ENPEP: variants seen among roughly 807,000 people sequenced by gnomAD.
The protein encoded by ENPEP is AP-A.
Under a neutral mutation model 114.5 loss-of-function variants are expected in ENPEP, and 103 were observed. That is an observed-to-expected ratio of 0.90 (90% CI 0.77 to 1.06). The LOEUF is 1.06. Among genes scored for constraint, ENPEP ranks in the 50% least tolerant of loss-of-function variants. The pLI is 0.00. For synonymous variants in ENPEP, 420 were observed against 422.0 expected (o/e 1.00, Z 0.06); for missense variants, 1,196 against 1,161.3 (o/e 1.03, Z -0.43).
At chr4:110,559,833 TGTTACGTAG>T in intron 19 of ENPEP, 108 bp downstream of exon 19, 1 of 858,758 alleles carries the variant, frequency 1.2e-6, no homozygotes, top group South Asian at 1.5e-5. Flanking sequence ...TGTGCAGGTT[TGTTACGTAG>T]GTATACACGT....
At chr4:110,515,570 A>G in intron 8 of ENPEP, 128 bp downstream of exon 8, 1 of 749,270 alleles carries the variant, frequency 1.3e-6, no homozygotes, top group Non-Finnish European at 2.2e-6. Context: ...TAGATAATAT[A>G]GCAAAAGATA....
At position 110,564,086 on chromosome 4, in the gene ENPEP, A is replaced by G. The variant is rs1727757720; in HGVS notation, c.*2528A>G. 6.6e-6 allele frequency: 1 copy of G among 152,116 alleles called. No homozygotes were observed. Among genetic ancestry groups the G allele is most frequent in the Non-Finnish European group, 1.5e-5 (1 of 68,004 alleles). 9.4% of individuals were successfully genotyped at this position (152,116 alleles called of 1,614,324 possible). ...TCTAAAACACGGTTAGGTAATCATCATCATCAGACTTTCCTTTTTTTTTCA... is the reference window on the plus strand; with the variant it reads ...TCTAAAACACGGTTAGGTAATCATCGTCATCAGACTTTCCTTTTTTTTTCA... On this transcript the variant is annotated 3_prime_UTR_variant, in exon 20 of 20. Transcript: ENST00000265162.
intron 4 of ENPEP, 105 bp from the exon 5 acceptor site, chr4:110,509,548 T>C (rs770193615): frequency 4.3e-5 from 60 of 1,408,734 alleles, no homozygotes; most frequent in Non-Finnish European, 5.4e-5. Flanking sequence ...AGAAATTATT[T>C]TTAGGCTTTT....
At chr4:110,524,954 G>A (rs192890661) in intron 10 of ENPEP, among the ~76,000 whole-genome samples, 4 of 152,264 alleles carry the variant, frequency 2.6e-5, no homozygotes, top group Admixed American at 2.6e-4. Flanking sequence ...TAGAGAAAAG[G>A]TTGTTCAGGC....
At chr4:110,478,473 A>G (rs1724195474) in intron 1 of ENPEP, among the ~76,000 whole-genome samples, 1 of 152,216 alleles carries the variant, frequency 6.6e-6, no homozygotes, top group Admixed American at 6.5e-5. Context: ...AATCCCTGCT[A>G]GCATATTAAT....
chr4:110,510,320 T>A lies in ENPEP; in HGVS notation c.1270T>A (p.Phe424Ile), dbSNP rs1725527624. 1.2e-6 allele frequency: 2 copies of A among 1,613,950 alleles called. No individual in the cohort carries two copies. Among genetic ancestry groups the A allele is most frequent in the African/African-American group, 2.7e-5 (2 of 74,864 alleles). Residue 424 changes from phenylalanine (F) to isoleucine (I), a missense_variant, in exon 6 of 20, where the codon TTT becomes ATT. Transcript: ENST00000265162. ...TGAAGGATTTGCTTCTTTCTTTGAG[T>A]TTCTGGGAGTAAACCATGCAGAAAC... ...LNEGFASFFE[F>I]LGVNHAETDW...
At chr4:110,491,282 C>A in intron 3 of ENPEP, 118 bp downstream of exon 3, 1 of 983,652 alleles carries the variant, frequency 1.0e-6, no homozygotes, top group Non-Finnish European at 1.4e-6. Flanking sequence ...GCCCTTTAGT[C>A]CCCAGGGTCT....
intron 11 of ENPEP, chr4:110,533,270 A>G: frequency 3.8e-6 from 1 of 261,238 alleles, no homozygotes; most frequent in South Asian, 4.1e-5. Flanking sequence ...GCATTTCAAG[A>G]GTTCACAATA....
intron 18 of ENPEP, among the ~76,000 whole-genome samples, chr4:110,558,762 C>G (rs1727579669): frequency 6.6e-6 from 1 of 151,886 alleles, no homozygotes; most frequent in Non-Finnish European, 1.5e-5. Flanking sequence ...CATTTGTGGT[C>G]TATGAGGAAA....
rs377047364 is a variant in ENPEP at position 110,548,332 on chromosome 4, G to A, written c.2151+6G>A. 1.1e-4 allele frequency: 171 copies of A among 1,554,690 alleles called. No individual in the cohort carries two copies. The African/African-American group carries it at 1.6e-3, about 15-fold the overall frequency. On this transcript the variant is annotated splice_donor_region_variant and intron_variant, in intron 14 of 19. Coordinates refer to ENST00000265162, the MANE Select transcript of ENPEP (RefSeq NM_001977.4). Reference sequence around the variant, plus strand: ...AGCTATATCCTATGATTGAGGTGACGTTAATGCTATGGTATCTTATGAAAG... The same window carrying A: ...AGCTATATCCTATGATTGAGGTGACATTAATGCTATGGTATCTTATGAAAG...
Position 110,506,356 on chromosome 4 carries a change from G to C in ENPEP, c.919-281G>C, listed in dbSNP as rs969599303. 1.3e-5 allele frequency: 4 copies of C among 303,338 alleles called. No individual in the cohort carries two copies. In the Admixed American group the frequency reaches 1.9e-4, roughly 15 times the overall value. 18.8% of individuals were successfully genotyped at this position (303,338 alleles called of 1,614,324 possible). On this transcript the variant is annotated intron_variant, in intron 3 of 19. Transcript: ENST00000265162. ...ATTAATAACATTTTTCAAATGTCTG[G>C]GACATCATGCCAACCATTGTGTCTT... is the stretch of plus-strand genomic sequence containing the variant.
Position 110,476,583 on chromosome 4 carries a change from C to G in ENPEP, c.169C>G (p.Pro57Ala). The change falls in exon 1 of 20, where the codon CCT (proline) becomes GCT (alanine). Residue 57 changes from proline to alanine, a missense_variant. By Grantham distance (27) the Pro-to-Ala change is conservative (BLOSUM62 -1). Coordinates refer to ENST00000265162, the MANE Select transcript of ENPEP (RefSeq NM_001977.4). ...GDGGPGTAPA[P>A]SHLPSSTASP... Reference sequence around the variant, plus strand: ...CGGCGGGCCGGGCACTGCGCCAGCTCCTTCCCACCTGCCTTCTTCCACGGC... The same window carrying G: ...CGGCGGGCCGGGCACTGCGCCAGCTGCTTCCCACCTGCCTTCTTCCACGGC... 6.2e-7 allele frequency: 1 copy of G among 1,614,068 alleles called. No homozygotes were observed. The highest frequency in any genetic ancestry group is 8.5e-7 in the Non-Finnish European group (1 of 1,179,930).
In ENPEP at chr4:110,562,847, T is replaced by C. The variant is rs547458220; in HGVS notation, c.*1289T>C. ...ATTTGGAACTTTCAAAAATGTAAGGTAATTTAGAATCGGCTTGATGAGAAT... is the reference window on the plus strand; with the variant it reads ...ATTTGGAACTTTCAAAAATGTAAGGCAATTTAGAATCGGCTTGATGAGAAT... On this transcript the variant is annotated 3_prime_UTR_variant, in exon 20 of 20. Coordinates refer to ENST00000265162, the MANE Select transcript of ENPEP (RefSeq NM_001977.4). 6.6e-6 allele frequency: 1 copy of C among 152,296 alleles called. No homozygotes were observed. Among genetic ancestry groups the C allele is most frequent in the East Asian group, 1.9e-4 (1 of 5,192 alleles). The allele number at this position is 152,296 out of a possible 1,614,324, so 9.4% of individuals were successfully genotyped here.
intron 18 of ENPEP, among the ~76,000 whole-genome samples, chr4:110,556,234 A>G (rs1428828032): frequency 1.3e-5 from 2 of 152,002 alleles, no homozygotes; most frequent in Non-Finnish European, 1.5e-5. Context: ...AAATGCATAC[A>G]AACAAAAATA....
chr4:110,519,145 C>T (rs1163822307), intron 8 of ENPEP: 1 of 455,262 alleles, frequency 2.2e-6, no homozygotes. Context: ...TCCAAAGTGG[C>T]TTCATCCCTC....
At chr4:110,534,110 G>T (rs927223961) in intron 11 of ENPEP, among the ~76,000 whole-genome samples, 4 of 152,160 alleles carry the variant, frequency 2.6e-5, no homozygotes, top group Non-Finnish European at 4.4e-5. Context: ...TGACGAACAT[G>T]TCCTGAGTGT....
chr4:110,485,389 C>T (rs1724465287), intron 1 of ENPEP, among the ~76,000 whole-genome samples: 1 of 152,104 alleles, frequency 6.6e-6, no homozygotes, highest in Admixed American at 6.5e-5. Context: ...CAATTGTTTA[C>T]GTTTTAGCCT....
At chr4:110,513,270 G>A (rs2110356955) in intron 6 of ENPEP, 145 bp from the exon 7 acceptor site, 1 of 857,750 alleles carries the variant, frequency 1.2e-6, no homozygotes, top group Non-Finnish European at 1.7e-6. Flanking sequence ...TCAGTGCAAA[G>A]TATGATTAAT....
chr4:110,550,070 A>G (rs751759471), intron 17 of ENPEP, among the ~76,000 whole-genome samples, 184 bp downstream of exon 17: 2 of 152,118 alleles, frequency 1.3e-5, no homozygotes, highest in African/African-American at 2.4e-5. Context: ...ATGTAATCTC[A>G]TATGAACACA....
Sources: allele counts gnomAD v4.1 joint callset (sites outside exome capture counted in the v4.1 genomes callset), GRCh38; gene constraint gnomAD v4.1.1; transcripts MANE v1.5; gene names NCBI Gene and HGNC (gene_info 2026-07-23, HGNC 2026-07-21).